The following HACE1 variants were observed in gnomAD, a reference collection of about 807,000 sequenced individuals.
The protein encoded by HACE1 is E3 ubiquitin-protein ligase HACE1.
In HACE1, 73 loss-of-function variants were observed where a neutral mutation model predicts 118.4. The observed-to-expected ratio is 0.62, with a 90% CI of 0.51 to 0.75. The LOEUF (loss-of-function observed/expected upper bound fraction) is 0.75, where lower values mean the gene tolerates loss of function less well. Ranked by LOEUF, HACE1 falls within the 30% of genes least tolerant of loss-of-function variation. The pLI, the probability that HACE1 is intolerant of heterozygous loss-of-function variation, is 0.00. For missense variants in HACE1, 749 were observed against 1,102.2 expected (o/e 0.68, Z 4.54); for synonymous variants, 368 against 374.8 (o/e 0.98, Z 0.21).
chr6:104,750,905 T>C (rs1214508769), intron 19 of HACE1, among the ~76,000 whole-genome samples: 1 of 152,232 alleles, frequency 6.6e-6, no homozygotes, highest in African/African-American at 2.4e-5. Flanking sequence ...CACATAGATA[T>C]ACATGTGTGT....
intron 2 of HACE1, among the ~76,000 whole-genome samples, chr6:104,851,269 A>G (rs756990531): frequency 7.9e-5 from 12 of 152,102 alleles, no homozygotes; most frequent in Non-Finnish European, 1.2e-4. Context: ...TTTTTAGTAG[A>G]GAGGGGGTTT....
At chr6:104,832,105 T>C (rs748981416) in intron 6 of HACE1, among the ~76,000 whole-genome samples, 3 of 152,108 alleles carry the variant, frequency 2.0e-5, no homozygotes, top group Non-Finnish European at 4.4e-5. Flanking sequence ...AAAAATAGGA[T>C]AACCTGACTC....
At chr6:104,834,097 T>C (rs1051032772) in intron 5 of HACE1, among the ~76,000 whole-genome samples, 4 of 151,832 alleles carry the variant, frequency 2.6e-5, no homozygotes, top group Admixed American at 2.0e-4. Context: ...TGAGCTATGA[T>C]GGTGACACTG....
At chr6:104,815,936 G>C (rs576092619) in intron 6 of HACE1, among the ~76,000 whole-genome samples, 1 of 152,022 alleles carries the variant, frequency 6.6e-6, no homozygotes, top group Admixed American at 6.6e-5. Flanking sequence ...AGCCAGGCGT[G>C]GTGGCAGGGA....
intron 7 of HACE1, among the ~76,000 whole-genome samples, chr6:104,799,990 C>T (rs1451351091): frequency 6.6e-6 from 1 of 152,104 alleles, no homozygotes. Flanking sequence ...CCTGGAAAAA[C>T]GGGACACTCC....
At chr6:104,751,227 A>G (rs1037885858) in intron 19 of HACE1, among the ~76,000 whole-genome samples, 2 of 152,226 alleles carry the variant, frequency 1.3e-5, no homozygotes, top group Non-Finnish European at 1.5e-5. Context: ...TGCAGACAGG[A>G]ACTTTGTTTT....
At chr6:104,848,327 G>T (rs1356189647) in intron 4 of HACE1, among the ~76,000 whole-genome samples, 2 of 151,168 alleles carry the variant, frequency 1.3e-5, no homozygotes, top group African/African-American at 2.4e-5. Flanking sequence ...GTGGTGGCAC[G>T]TGCCTGTAAT....
intron 6 of HACE1, among the ~76,000 whole-genome samples, chr6:104,829,421 C>T (rs973256103): frequency 8.5e-5 from 13 of 152,156 alleles, no homozygotes; most frequent in Admixed American, 5.9e-4. Flanking sequence ...GCAGTATTAG[C>T]ACAACTATGA....
intron 6 of HACE1, among the ~76,000 whole-genome samples, chr6:104,830,859 T>C (rs1386077294): frequency 6.6e-6 from 1 of 150,574 alleles, no homozygotes; most frequent in African/African-American, 2.5e-5. Context: ...GTTTCTGACC[T>C]GTTCTGGTTC....
chr6:104,750,429 G>T lies in HACE1; in HGVS notation c.2255C>A (p.Ala752Asp), dbSNP rs1777916874. ...QLVTELRMTR[A>D]IQPQINAFLQ... is the part of the protein sequence containing the mutation. ...AAAAGCATTGATCTGAGGCTGAATG[G>T]CTCTTGTCATTCGAAGTTCAGTAAC... The change falls in exon 20 of 24, where the codon GCC (alanine) becomes GAC (aspartate). Residue 752 changes from alanine (A) to aspartate (D), a missense_variant. Physicochemically the swap from Ala to Asp is moderately radical, Grantham distance 126 (BLOSUM62 -2). This residue lies in a region of HACE1 where 165 missense variants were observed against 229.9 expected (regional missense o/e 0.72). Coordinates refer to ENST00000262903, the MANE Select transcript of HACE1 (RefSeq NM_020771.4). 1 of 1,612,498 alleles carries T rather than the reference G, an allele frequency of 6.2e-7. No individual in the cohort carries two copies.
At chr6:104,855,016 T>C (rs1468917026) in intron 1 of HACE1, among the ~76,000 whole-genome samples, 1 of 152,234 alleles carries the variant, frequency 6.6e-6, no homozygotes, top group Non-Finnish European at 1.5e-5. Context: ...GCATGTATCA[T>C]TGCTTTTCTC....
At position 104,782,101 on chromosome 6, in the gene HACE1, T is replaced by C. The variant is rs560947922; in HGVS notation, c.1566+1985A>G. On this transcript the variant is annotated intron_variant, in intron 14 of 23. Coordinates refer to ENST00000262903, the MANE Select transcript of HACE1 (RefSeq NM_020771.4). Reference sequence around the variant, plus strand: ...CCGCAATTACTTTTGCACCAACCTATATTAAAAACAGCAGACTATCTCTCA... The same window carrying C: ...CCGCAATTACTTTTGCACCAACCTACATTAAAAACAGCAGACTATCTCTCA... Among the ~76,000 whole-genome samples the C allele has an allele frequency of 2.6e-5, 4 of 151,820 alleles. No homozygotes were observed. The South Asian group carries it at 8.4e-4, about 32-fold the overall frequency.
chr6:104,787,013 TC>T (rs1264637465), intron 11 of HACE1: 1 of 152,242 alleles, frequency 6.6e-6, no homozygotes, highest in Admixed American at 6.5e-5. Flanking sequence ...ACTGCCACTT[TC>T]AGCCTTTCTT....
intron 19 of HACE1, among the ~76,000 whole-genome samples, chr6:104,754,245 G>A (rs552415444): frequency 1.3e-5 from 2 of 152,234 alleles, no homozygotes; most frequent in Admixed American, 1.3e-4. Context: ...CAAGAGATAT[G>A]GGGTTATGTA....
At chr6:104,845,493 T>C (rs1045954871) in intron 4 of HACE1, among the ~76,000 whole-genome samples, 9 of 151,228 alleles carry the variant, frequency 6.0e-5, no homozygotes, top group African/African-American at 2.2e-4. Flanking sequence ...TTTTTTTTTT[T>C]TGAGACAAGA....
chr6:104,803,270 G>C (rs911947192), intron 7 of HACE1, among the ~76,000 whole-genome samples: 1 of 152,130 alleles, frequency 6.6e-6, no homozygotes, highest in African/African-American at 2.4e-5. Flanking sequence ...GGTACAAAAA[G>C]GAGCTGGTAC....
Position 104,729,025 on chromosome 6 carries a change from T to G in HACE1, c.*637A>C, listed in dbSNP as rs1472335201. The stretch of plus-strand genomic sequence containing the variant: ...ATATGGAAAACTGGCCACTGAAAGA[T>G]GCAAATAATTCATACAATATAGCGT... On this transcript the variant is annotated 3_prime_UTR_variant, in exon 24 of 24. Transcript: ENST00000262903. The G allele has an allele frequency of 6.6e-6, 1 of 152,534 alleles. No homozygotes were observed. The highest frequency in any genetic ancestry group is 1.5e-5 in the Non-Finnish European group (1 of 67,994). 9.4% of individuals were successfully genotyped at this position (152,534 alleles called of 1,614,324 possible). A position where few individuals can be genotyped will look rare whatever the true frequency, so the allele number is the denominator to read the frequency against.
intron 4 of HACE1, among the ~76,000 whole-genome samples, chr6:104,846,288 T>G (rs1775664851): frequency 6.6e-6 from 1 of 152,222 alleles, no homozygotes; most frequent in African/African-American, 2.4e-5. Flanking sequence ...CTACCCTTTA[T>G]GAGCTCATAA....
At chr6:104,734,175 T>G (rs1775547554) in intron 22 of HACE1, among the ~76,000 whole-genome samples, 1 of 147,740 alleles carries the variant, frequency 6.8e-6, no homozygotes, top group Non-Finnish European at 1.5e-5. Flanking sequence ...AATCATCAAG[T>G]CTGATTCTTA....
Sources: allele counts gnomAD v4.1 joint callset (sites outside exome capture counted in the v4.1 genomes callset), GRCh38; gene constraint gnomAD v4.1.1; regional missense constraint gnomAD v4.1.1; transcripts MANE v1.5; gene names NCBI Gene and HGNC (gene_info 2026-07-23, HGNC 2026-07-21).